Variants in PTPRK observed in about 807,000 individuals in gnomAD.
PTPRK encodes receptor-type tyrosine-protein phosphatase kappa.
A neutral mutation model predicts 178.0 loss-of-function variants in PTPRK; 75 were observed. That is an observed-to-expected ratio of 0.42 (90% CI 0.35 to 0.51). The LOEUF (loss-of-function observed/expected upper bound fraction) is 0.51, where lower values mean the gene tolerates loss of function less well. PTPRK is among the 20% of genes least tolerant of loss of function. PTPRK has a pLI of 0.02. For missense variants in PTPRK, 1,441 were observed against 1,797.8 expected, an observed-to-expected ratio of 0.80 and a Z score of 3.59; for synonymous variants, 637 against 620.6, an observed-to-expected ratio of 1.03 and a Z score of -0.39.
chr6:128,072,471 T>C (rs146670140), intron 11 of PTPRK, among the ~76,000 whole-genome samples: 36 of 152,098 alleles, frequency 2.4e-4, no homozygotes, highest in African/African-American at 8.2e-4. Context: ...CAAAACCTGT[T>C]TTATAATAAA....
At chr6:128,125,709 A>C (rs1016853822) in intron 7 of PTPRK, among the ~76,000 whole-genome samples, 1 of 144,034 alleles carries the variant, frequency 6.9e-6, no homozygotes, top group African/African-American at 2.6e-5. Flanking sequence ...TCCCAGGTTC[A>C]AGCAATTCTT....
intron 7 of PTPRK, among the ~76,000 whole-genome samples, chr6:128,102,541 C>T (rs115947002): frequency 6.6e-6 from 1 of 152,070 alleles, no homozygotes; most frequent in Admixed American, 6.5e-5. Flanking sequence ...AATAGGGTTG[C>T]AGAAAATCTT....
intron 1 of PTPRK, among the ~76,000 whole-genome samples, chr6:128,437,663 G>A (rs1584721264): frequency 6.6e-6 from 1 of 152,216 alleles, no homozygotes; most frequent in African/African-American, 2.4e-5. Context: ...GGAGAGTGTA[G>A]AATAAAGATG....
chr6:128,407,577 T>C (rs777178371), intron 1 of PTPRK, among the ~76,000 whole-genome samples: 13 of 128,406 alleles, frequency 1.0e-4, no homozygotes, highest in Non-Finnish European at 1.5e-4. Flanking sequence ...AATTTGAGAC[T>C]GCAGTGAGCT....
chr6:128,458,989 T>C (rs1412366169), intron 1 of PTPRK, among the ~76,000 whole-genome samples: 2 of 152,134 alleles, frequency 1.3e-5, no homozygotes, highest in African/African-American at 4.8e-5. Context: ...AAATTATATA[T>C]ACACTTAAAA....
chr6:128,324,582 TAAAG>T (rs1385100672), intron 2 of PTPRK, among the ~76,000 whole-genome samples: 1 of 152,082 alleles, frequency 6.6e-6, no homozygotes. Context: ...AGTTAAATAA[TAAAG>T]AAAAATAGTG....
chr6:128,028,997 C>A (rs1418922925), intron 13 of PTPRK, among the ~76,000 whole-genome samples: 3 of 152,106 alleles, frequency 2.0e-5, no homozygotes, highest in Non-Finnish European at 4.4e-5. Context: ...TATCCATCTT[C>A]CATGGTCAGT....
At chr6:128,005,038 A>C (rs1368409000) in intron 15 of PTPRK, 46 bp downstream of exon 15, 1 of 1,519,442 alleles carries the variant, frequency 6.6e-7, no homozygotes, top group South Asian at 1.2e-5. Context: ...ATTCAAAGTG[A>C]AATGAGTTGT....
At chr6:128,286,557 A>G (rs1822536252) in intron 3 of PTPRK, among the ~76,000 whole-genome samples, 1 of 152,194 alleles carries the variant, frequency 6.6e-6, no homozygotes, top group South Asian at 2.1e-4. Context: ...TCTTGAGCAC[A>G]CAGCACATAT....
At chr6:127,981,569 G>A (rs1285996157) in intron 24 of PTPRK, among the ~76,000 whole-genome samples, 1 of 152,128 alleles carries the variant, frequency 6.6e-6, no homozygotes, top group African/African-American at 2.4e-5. Flanking sequence ...CTTAACCAAA[G>A]AAAATGCAAT....
intron 1 of PTPRK, among the ~76,000 whole-genome samples, chr6:128,476,783 C>T (rs995184335): frequency 6.6e-6 from 1 of 151,696 alleles, no homozygotes; most frequent in African/African-American, 2.4e-5. Context: ...ATATTTAAGT[C>T]CTGGAAATCT....
At chr6:128,380,279 A>G (rs76650583) in intron 2 of PTPRK, among the ~76,000 whole-genome samples, 5,187 of 152,136 alleles carry the variant, frequency 0.034, 283 homozygotes, top group African/African-American at 0.12. Flanking sequence ...AAGGATGAAA[A>G]TAAAATTAAA....
intron 1 of PTPRK, among the ~76,000 whole-genome samples, chr6:128,434,260 T>C (rs955962046): frequency 3.3e-5 from 5 of 152,176 alleles, no homozygotes; most frequent in African/African-American, 9.7e-5. Flanking sequence ...CTGAGTACAA[T>C]TGTATAATTG....
At chr6:128,069,445 A>T (rs1184179509) in intron 11 of PTPRK, among the ~76,000 whole-genome samples, 2 of 152,166 alleles carry the variant, frequency 1.3e-5, no homozygotes, top group African/African-American at 4.8e-5. Context: ...CAATTTTAAG[A>T]TATAGAAAAT....
intron 2 of PTPRK, among the ~76,000 whole-genome samples, chr6:128,374,374 T>C (rs1327370627): frequency 1.3e-5 from 2 of 152,144 alleles, no homozygotes; most frequent in African/African-American, 2.4e-5. Flanking sequence ...ATCCCCAGCA[T>C]AGTCCTCTCC....
At chr6:128,503,960 A>G (rs1200049885) in intron 1 of PTPRK, among the ~76,000 whole-genome samples, 1 of 152,028 alleles carries the variant, frequency 6.6e-6, no homozygotes, top group East Asian at 1.9e-4. Context: ...AAATGCACAA[A>G]TCAATGGTTC....
chr6:128,490,507 G>A (rs930579974), intron 1 of PTPRK, among the ~76,000 whole-genome samples: 31 of 152,148 alleles, frequency 2.0e-4, no homozygotes, highest in Admixed American at 1.2e-3. Context: ...TGGTCATACC[G>A]CCCAGGCCCC....
chr6:128,078,509 A>G (rs1784238771), intron 11 of PTPRK, among the ~76,000 whole-genome samples: 2 of 151,966 alleles, frequency 1.3e-5, no homozygotes, highest in African/African-American at 4.8e-5. Context: ...TGTTTCAATT[A>G]CCCACCATCA....
At chr6:128,098,050 T>G (rs2115046259) in intron 7 of PTPRK, among the ~76,000 whole-genome samples, 1 of 152,282 alleles carries the variant, frequency 6.6e-6, no homozygotes, top group Non-Finnish European at 1.5e-5. Context: ...ACCTACCTCT[T>G]ATGTTGTTCT....
Sources: gnomAD v4.1 joint callset for allele counts (sites outside exome capture counted in the v4.1 genomes callset) on GRCh38, gnomAD v4.1.1 for gene constraint, MANE v1.5 for transcripts, NCBI Gene and HGNC (gene_info 2026-07-23, HGNC 2026-07-21) for gene names.